Variants in CDCP1 observed in about 807,000 individuals in gnomAD.
CDCP1 encodes the protein CUB domain-containing protein 1.
In CDCP1, 29 loss-of-function variants were observed where a neutral mutation model predicts 60.2. The ratio of observed to expected loss-of-function variants is 0.48; its 90% confidence interval spans 0.36 to 0.66. The LOEUF (loss-of-function observed/expected upper bound fraction) is 0.66. Ranked by LOEUF, CDCP1 falls within the 30% of genes least tolerant of loss-of-function variation. The pLI is 0.00. For missense variants in CDCP1, 876 were observed against 1,074.3 expected, an observed-to-expected ratio of 0.82 and a Z score of 2.58; for synonymous variants, 387 against 431.1, an observed-to-expected ratio of 0.90 and a Z score of 1.27.
At chr3:45,099,735 T>C (rs998724086) in intron 4 of CDCP1, among the ~76,000 whole-genome samples, 1 of 152,064 alleles carries the variant, frequency 6.6e-6, no homozygotes, top group African/African-American at 2.4e-5. Context: ...CTTTCAGCCC[T>C]TTTGACTCTT....
chr3:45,117,383 C>T (rs555172854), intron 2 of CDCP1, among the ~76,000 whole-genome samples: 23 of 152,260 alleles, frequency 1.5e-4, no homozygotes, highest in African/African-American at 5.3e-4. Context: ...ATTTTATCCT[C>T]ACAACTCTCT....
At chr3:45,103,534 G>C (rs1358440838) in intron 4 of CDCP1, among the ~76,000 whole-genome samples, 1 of 152,182 alleles carries the variant, frequency 6.6e-6, no homozygotes, top group Non-Finnish European at 1.5e-5. Context: ...TTTGAATATA[G>C]CTTGTCCCCA....
At chr3:45,101,652 C>T (rs1056706488) in intron 4 of CDCP1, among the ~76,000 whole-genome samples, 9 of 152,198 alleles carry the variant, frequency 5.9e-5, no homozygotes, top group African/African-American at 2.2e-4. Context: ...TTTGGGAGGC[C>T]GAGGTGGGCA....
intron 1 of CDCP1, among the ~76,000 whole-genome samples, chr3:45,126,153 T>TCTTTCTTTCTTTCTTC (rs1698988306): frequency 6.9e-6 from 1 of 144,560 alleles, no homozygotes; most frequent in Non-Finnish European, 1.5e-5. Flanking sequence ...TTTCTTTCTT[T>TCTTTCTTTCTTTCTTC]CTTTCTTTCT....
At chr3:45,112,655 G>A (rs72881506) in intron 2 of CDCP1, among the ~76,000 whole-genome samples, 1,889 of 152,314 alleles carry the variant, frequency 0.012, 45 homozygotes, top group African/African-American at 0.043. Flanking sequence ...GCCTCAGCTC[G>A]GGGGAGCTGC....
intron 1 of CDCP1, among the ~76,000 whole-genome samples, chr3:45,122,234 C>A (rs1003945611): frequency 6.6e-6 from 1 of 150,382 alleles, no homozygotes; most frequent in African/African-American, 2.5e-5. Context: ...ACCTCCGCCT[C>A]CTGGGCTCAA....
At chr3:45,109,263 C>G (rs1183739374) in intron 4 of CDCP1, among the ~76,000 whole-genome samples, 3 of 151,768 alleles carry the variant, frequency 2.0e-5, no homozygotes, top group African/African-American at 7.3e-5. Flanking sequence ...GTATATATAT[C>G]TATACACACA....
At position 45,118,628 on chromosome 3, in the gene CDCP1, G is replaced by A. The variant is rs1698833113; in HGVS notation, c.83-7C>T. 1 of 1,613,046 alleles carries A rather than the reference G, an allele frequency of 6.2e-7. No homozygotes were observed. The highest frequency in any genetic ancestry group is 1.1e-5 in the South Asian group (1 of 91,066). On this transcript the variant is annotated splice_region_variant and splice_polypyrimidine_tract_variant and intron_variant, in intron 1 of 8. Coordinates refer to ENST00000296129, the MANE Select transcript of CDCP1 (RefSeq NM_022842.5). ...AGAGCAATCTCAAAAGCTTCTGAAG[G>A]AAGGAAGGAAAATGAAGTAAGCAGG...
At chr3:45,095,615 A>G (rs1698385725) in intron 4 of CDCP1, 47 bp from the exon 5 acceptor site, 3 of 1,571,168 alleles carry the variant, frequency 1.9e-6, no homozygotes, top group African/African-American at 2.7e-5. Flanking sequence ...ATCAGCAGCA[A>G]CACGGGAAAT....
At position 45,146,234 on chromosome 3, in the gene CDCP1, C is replaced by T; in HGVS notation, c.54G>A (p.Leu18=). 6.3e-7 allele frequency: 1 copy of T among 1,598,870 alleles called. No homozygotes were observed. The highest frequency in any genetic ancestry group is 1.1e-5 in the South Asian group (1 of 89,326). Residue 18 remains leucine, a synonymous_variant, in exon 1 of 9, where the codon CTG becomes CTA. Transcript: ENST00000296129. The part of the protein sequence containing the change: ...VSIALLGVLL[L]GAARLPRGAE... ...CCCCGCGCGGCAGGCGCGCCGCACC[C>T]AGCAGCAGAACCCCTAGCAGTGCGA...
chr3:45,116,081 TTTA>T (rs1188645486), intron 2 of CDCP1, among the ~76,000 whole-genome samples: 1 of 152,204 alleles, frequency 6.6e-6, no homozygotes, highest in East Asian at 1.9e-4. Flanking sequence ...TATTGCCTGT[TTTA>T]TTGGTAATGC....
chr3:45,092,789 A>AG (rs1369578981), intron 6 of CDCP1, among the ~76,000 whole-genome samples: 1 of 152,144 alleles, frequency 6.6e-6, no homozygotes, highest in Non-Finnish European at 1.5e-5. Flanking sequence ...GCCTCCCAGG[A>AG]GGGTCGGGTC....
rs565941874 is a variant in CDCP1 at position 45,084,272 on chromosome 3, T to C, written c.*1366A>G. ...GTCCGCAAGCTAAACAAAACATCCCTGTGCGCCAGATCATTTTGTAGCCTC... is the reference window on the plus strand; with the variant it reads ...GTCCGCAAGCTAAACAAAACATCCCCGTGCGCCAGATCATTTTGTAGCCTC... On this transcript the variant is annotated 3_prime_UTR_variant, in exon 9 of 9. Transcript: ENST00000296129. 2 of 152,174 alleles carry C rather than the reference T, an allele frequency of 1.3e-5. No individual in the cohort carries two copies. The highest frequency in any genetic ancestry group is 2.9e-5 in the Non-Finnish European group (2 of 68,034). The allele number at this position is 152,174 out of a possible 1,614,324, so 9.4% of individuals were successfully genotyped here. A position where few individuals can be genotyped will look rare whatever the true frequency, so the allele number is the denominator to read the frequency against.
chr3:45,096,396 G>A (rs988187537), intron 4 of CDCP1, among the ~76,000 whole-genome samples: 17 of 151,936 alleles, frequency 1.1e-4, no homozygotes, highest in Admixed American at 7.2e-4. Context: ...AGGCCGAGGC[G>A]GGCAGATCAC....
chr3:45,093,684 T>A (rs1338955158), intron 5 of CDCP1, 27 bp from the exon 6 acceptor site: 1 of 1,584,990 alleles, frequency 6.3e-7, no homozygotes, highest in South Asian at 1.1e-5. Flanking sequence ...ATGCTAGCCA[T>A]GCACAAAGGA....
chr3:45,108,044 G>C (rs1414656663), intron 4 of CDCP1, among the ~76,000 whole-genome samples: 4 of 152,052 alleles, frequency 2.6e-5, no homozygotes, highest in African/African-American at 7.2e-5. Context: ...CTTGAACCTG[G>C]GAGGTGGAGG....
chr3:45,131,151 C>T (rs1175050510), intron 1 of CDCP1, among the ~76,000 whole-genome samples: 1 of 151,516 alleles, frequency 6.6e-6, no homozygotes, highest in East Asian at 1.9e-4. Context: ...TGCATGCCAT[C>T]GTGCCTGACC....
At position 45,084,074 on chromosome 3, in the gene CDCP1, C is replaced by G. The variant is rs4682765; in HGVS notation, c.*1564G>C. 1 of 151,920 alleles carries G rather than the reference C, an allele frequency of 6.6e-6. No homozygotes were observed. Among genetic ancestry groups the G allele is most frequent in the Non-Finnish European group, 1.5e-5 (1 of 67,958 alleles). 9.4% of individuals were successfully genotyped at this position (151,920 alleles called of 1,614,324 possible). On this transcript the variant is annotated 3_prime_UTR_variant, in exon 9 of 9. Coordinates refer to ENST00000296129, the MANE Select transcript of CDCP1 (RefSeq NM_022842.5). ...GCATTGATCAGTAGAAACAAACACT[C>G]AGCCTCATTGTGGGAAGTGATAGGG... is the stretch of plus-strand genomic sequence containing the variant.
intron 1 of CDCP1, among the ~76,000 whole-genome samples, chr3:45,121,169 C>T (rs1698877062): frequency 6.6e-6 from 1 of 152,172 alleles, no homozygotes; most frequent in Non-Finnish European, 1.5e-5. Flanking sequence ...CTAATAAATC[C>T]TGGCAAGAAC....
Sources: allele counts gnomAD v4.1 joint callset (sites outside exome capture counted in the v4.1 genomes callset), GRCh38; gene constraint gnomAD v4.1.1; transcripts MANE v1.5; gene names NCBI Gene and HGNC (gene_info 2026-07-23, HGNC 2026-07-21).